Variants in DCC observed in about 807,000 individuals in gnomAD.
The protein encoded by DCC is netrin receptor DCC.
A neutral mutation model predicts 172.5 loss-of-function variants in DCC; 58 were observed. The observed-to-expected ratio is 0.34, with a 90% CI of 0.27 to 0.42. DCC has a LOEUF of 0.42. Among genes scored for constraint, DCC ranks in the 10% least tolerant of loss-of-function variants. The pLI is 1.00. For missense variants in DCC, 1,740 were observed against 1,791.0 expected, an observed-to-expected ratio of 0.97 and a Z score of 0.51; for synonymous variants, 709 against 644.5, an observed-to-expected ratio of 1.10 and a Z score of -1.52.
chr18:52,516,998 C>T (rs1301944), intron 1 of DCC, among the ~76,000 whole-genome samples: 47,006 of 152,010 alleles, frequency 0.31, 7,435 homozygotes, highest in African/African-American at 0.35. Flanking sequence ...ACCAGGCACA[C>T]GTAAGCTACC....
chr18:52,705,413 A>G (rs774471431), intron 1 of DCC, among the ~76,000 whole-genome samples: 52 of 152,222 alleles, frequency 3.4e-4, no homozygotes, highest in Non-Finnish European at 6.9e-4. Flanking sequence ...GGAAGCCAAC[A>G]TGCGTAAAAG....
At chr18:53,492,520 A>G (rs530826063) in intron 26 of DCC, among the ~76,000 whole-genome samples, 2 of 152,324 alleles carry the variant, frequency 1.3e-5, no homozygotes, top group East Asian at 1.9e-4. Flanking sequence ...AGCCTTCTGC[A>G]TATGGCTAGC....
intron 1 of DCC, among the ~76,000 whole-genome samples, chr18:52,654,828 G>A (rs142335742): frequency 1.4e-3 from 206 of 152,152 alleles, no homozygotes; most frequent in Non-Finnish European, 1.9e-3. Context: ...TGAAATCCAG[G>A]CATGATAGTT....
intron 2 of DCC, among the ~76,000 whole-genome samples, chr18:52,804,759 T>A (rs1280208155): frequency 6.6e-6 from 1 of 152,154 alleles, no homozygotes; most frequent in Non-Finnish European, 1.5e-5. Flanking sequence ...AATTTTTGTA[T>A]TTTTAGTAGA....
At chr18:52,737,804 G>A (rs868273553) in intron 1 of DCC, among the ~76,000 whole-genome samples, 5 of 152,154 alleles carry the variant, frequency 3.3e-5, no homozygotes, top group South Asian at 2.1e-4. Flanking sequence ...TCACCTGGAT[G>A]TACAGCCAAC....
At chr18:53,522,168 G>A (rs1224225904) in intron 27 of DCC, among the ~76,000 whole-genome samples, 2 of 151,922 alleles carry the variant, frequency 1.3e-5, no homozygotes, top group Non-Finnish European at 2.9e-5. Context: ...ATATCAACAT[G>A]AATTTCACAT....
chr18:53,208,361 G>A (rs1490600118), intron 11 of DCC, among the ~76,000 whole-genome samples: 1 of 151,838 alleles, frequency 6.6e-6, no homozygotes, highest in African/African-American at 2.4e-5. Context: ...TCCTCAAAAT[G>A]TGACTATTGA....
chr18:52,921,727 A>AATG (rs2037442845), intron 3 of DCC, among the ~76,000 whole-genome samples: 2 of 102,966 alleles, frequency 1.9e-5, no homozygotes, highest in Non-Finnish European at 4.5e-5. Flanking sequence ...TAATAATAAT[A>AATG]TATATAAATG....
intron 27 of DCC, among the ~76,000 whole-genome samples, chr18:53,503,723 A>G (rs531007609): frequency 3.2e-4 from 48 of 152,302 alleles, no homozygotes; most frequent in African/African-American, 1.1e-3. Context: ...TAGAGATGTA[A>G]TTCTAAAGGG....
intron 1 of DCC, among the ~76,000 whole-genome samples, chr18:52,718,240 T>C (rs1040708040): frequency 6.6e-6 from 1 of 152,238 alleles, no homozygotes; most frequent in African/African-American, 2.4e-5. Flanking sequence ...AAAAATTAGT[T>C]GATTTGATTT....
At chr18:52,688,512 A>G (rs28440837) in intron 1 of DCC, among the ~76,000 whole-genome samples, 9,514 of 152,144 alleles carry the variant, frequency 0.063, 352 homozygotes, top group South Asian at 0.16. Flanking sequence ...GATGTAGATA[A>G]AGATTTAAAG....
rs375004823 is a variant in DCC, at chr18:53,034,517, A to C, written c.986-28788A>C. 5.9e-5 allele frequency among the ~76,000 whole-genome samples: 9 copies of C among 152,090 alleles called. No individual in the cohort carries two copies. In the East Asian group the frequency reaches 1.2e-3, roughly 20 times the overall value. On this transcript the variant is annotated intron_variant, in intron 5 of 28. Transcript: ENST00000442544. ...TAATTTCAAAATATAATCAAAATAC[A>C]GAACCTTCACTACTACCATGCCATG...
In DCC at chr18:53,343,940, A is replaced by C. The variant is rs73467233; in HGVS notation, c.2359+4033A>C. Among the ~76,000 whole-genome samples the C allele has an allele frequency of 5.8e-3, 889 of 152,062 alleles. 9 individuals carry two copies. The highest frequency in any genetic ancestry group is 0.02 in the African/African-American group (842 of 41,550). On this transcript the variant is annotated intron_variant, in intron 15 of 28. Transcript: ENST00000442544. Reference sequence around the variant, plus strand: ...TCTCTTGTTGGCACAGTTATTCATAATGTTTTCTTTATCTGTTATCTATGG... The same window carrying C: ...TCTCTTGTTGGCACAGTTATTCATACTGTTTTCTTTATCTGTTATCTATGG...
chr18:52,487,808 C>T (rs371784861), intron 1 of DCC, among the ~76,000 whole-genome samples: 3 of 40,988 alleles, frequency 7.3e-5, no homozygotes, highest in Non-Finnish European at 9.6e-5. Context: ...GAGACTCCAC[C>T]TCAAAAAAAA....
intron 1 of DCC, among the ~76,000 whole-genome samples, chr18:52,591,813 C>T (rs1144095): frequency 0.26 from 33,953 of 128,258 alleles, 4,302 homozygotes; most frequent in African/African-American, 0.32. Context: ...TCGGTAGTAA[C>T]GGAATCTCAC....
At chr18:52,549,415 T>G (rs2032702276) in intron 1 of DCC, among the ~76,000 whole-genome samples, 1 of 152,036 alleles carries the variant, frequency 6.6e-6, no homozygotes, top group Non-Finnish European at 1.5e-5. Flanking sequence ...GACACTTACC[T>G]TATAAGCACA....
At chr18:52,385,840 A>G (rs1985776661) in intron 1 of DCC, among the ~76,000 whole-genome samples, 1 of 152,078 alleles carries the variant, frequency 6.6e-6, no homozygotes, top group Non-Finnish European at 1.5e-5. Flanking sequence ...GGTATAGTTG[A>G]CAATTGTTTT....
chr18:52,847,141 A>G (rs1320201922), intron 2 of DCC, among the ~76,000 whole-genome samples: 1 of 152,202 alleles, frequency 6.6e-6, no homozygotes, highest in Non-Finnish European at 1.5e-5. Flanking sequence ...ACATACACCT[A>G]GAAACATGTT....
intron 1 of DCC, among the ~76,000 whole-genome samples, chr18:52,670,147 T>A (rs2035525805): frequency 6.6e-6 from 1 of 152,252 alleles, no homozygotes; most frequent in East Asian, 1.9e-4. Flanking sequence ...TTACCCACTG[T>A]TGTCTTTTAA....
Sources: gnomAD v4.1 joint callset for allele counts (sites outside exome capture counted in the v4.1 genomes callset) on GRCh38, gnomAD v4.1.1 for gene constraint, MANE v1.5 for transcripts, NCBI Gene and HGNC (gene_info 2026-07-23, HGNC 2026-07-21) for gene names.